Variants in GAB1 observed in about 807,000 individuals in gnomAD.
The protein encoded by GAB1 is GRB2-associated-binding protein 1.
A neutral mutation model predicts 66.5 loss-of-function variants in GAB1; 19 were observed. The ratio of observed to expected loss-of-function variants is 0.29; its 90% CI spans 0.20 to 0.42. The LOEUF (loss-of-function observed/expected upper bound fraction) is 0.42, where lower values mean the gene tolerates loss of function less well. GAB1 is among the 10% of genes least tolerant of loss of function. The pLI is 1.00. For missense variants in GAB1, 732 were observed against 858.5 expected, an observed-to-expected ratio of 0.85 and a Z score of 1.84; for synonymous variants, 294 against 301.4, an observed-to-expected ratio of 0.98 and a Z score of 0.25.
chr4:143,426,561 A>T (rs1578697565), intron 2 of GAB1, among the ~76,000 whole-genome samples: 1 of 152,130 alleles, frequency 6.6e-6, no homozygotes, highest in Non-Finnish European at 1.5e-5. Context: ...AAATAAATAA[A>T]TAATAAAACA....
At chr4:143,387,742 T>C (rs957296489) in intron 1 of GAB1, among the ~76,000 whole-genome samples, 13 of 152,188 alleles carry the variant, frequency 8.5e-5, no homozygotes, top group African/African-American at 3.1e-4. Context: ...GTGGCTCTTA[T>C]ATTAGTCCCA....
intron 6 of GAB1, among the ~76,000 whole-genome samples, chr4:143,452,824 A>G (rs1734994238): frequency 6.6e-6 from 1 of 152,246 alleles, no homozygotes; most frequent in African/African-American, 2.4e-5. Flanking sequence ...AGTTGTAACT[A>G]ACTGCCTTGG....
At chr4:143,354,580 G>A (rs1355605210) in intron 1 of GAB1, among the ~76,000 whole-genome samples, 1 of 151,832 alleles carries the variant, frequency 6.6e-6, no homozygotes, top group African/African-American at 2.4e-5. Context: ...AGTTACTAAA[G>A]GGAAGTGTTT....
chr4:143,392,954 A>T (rs1731254768), intron 1 of GAB1, among the ~76,000 whole-genome samples: 1 of 152,044 alleles, frequency 6.6e-6, no homozygotes, highest in Non-Finnish European at 1.5e-5. Context: ...TACCTTTTTC[A>T]TGTCTATGGG....
Position 143,415,746 on chromosome 4 carries a change from C to A in GAB1, c.342C>A (p.Ile114=), listed in dbSNP as rs1732644284. The part of the protein sequence containing the change: ...MNKWVRCICD[I]CGFNPTEEDP... ...AGTGGGTTCGTTGTATTTGTGACATCTGTGGGTTTAATCCAACAGAAGAAG... is the reference window on the plus strand; with the variant it reads ...AGTGGGTTCGTTGTATTTGTGACATATGTGGGTTTAATCCAACAGAAGAAG... Residue 114 remains isoleucine, a synonymous_variant, in exon 2 of 10, where the codon ATC becomes ATA. Transcript: ENST00000262994. 1 of 1,609,454 alleles carries A rather than the reference C, an allele frequency of 6.2e-7. No individual in the cohort carries two copies. The highest frequency in any genetic ancestry group is 2.2e-5 in the East Asian group (1 of 44,780).
intron 1 of GAB1, among the ~76,000 whole-genome samples, chr4:143,373,868 A>AATAAATATATAT: frequency 7.5e-5 from 7 of 93,696 alleles, no homozygotes; most frequent in South Asian, 8.9e-4. Context: ...TAAATAAATA[A>AATAAATATATAT]ATATATATAT....
chr4:143,386,050 GAGGATC>G (rs1366168544), intron 1 of GAB1, among the ~76,000 whole-genome samples: 5 of 152,180 alleles, frequency 3.3e-5, no homozygotes, highest in Admixed American at 6.5e-5. Flanking sequence ...ACTGAGATGG[GAGGATC>G]AGTTTAGCCC....
At chr4:143,366,213 C>G (rs779233565) in intron 1 of GAB1, among the ~76,000 whole-genome samples, 14 of 152,136 alleles carry the variant, frequency 9.2e-5, no homozygotes, top group Admixed American at 7.2e-4. Context: ...TATTCATTTG[C>G]GTATTTCCTT....
At chr4:143,374,492 A>T (rs1324286071) in intron 1 of GAB1, among the ~76,000 whole-genome samples, 1 of 152,062 alleles carries the variant, frequency 6.6e-6, no homozygotes, top group Non-Finnish European at 1.5e-5. Flanking sequence ...GTATGTTCAG[A>T]TTTTCTAGAT....
In GAB1 at chr4:143,469,670, C is replaced by T. The variant is rs554413106; in HGVS notation, c.*481C>T. On this transcript the variant is annotated 3_prime_UTR_variant, in exon 10 of 10. Transcript: ENST00000262994. Reference sequence around the variant, plus strand: ...TCACAAGTTAGCTTTCTACCTGAAGCTTCAGGTGATAACCATTAGCTTATA... The same window carrying T: ...TCACAAGTTAGCTTTCTACCTGAAGTTTCAGGTGATAACCATTAGCTTATA... The T allele has an allele frequency of 6.2e-6, 1 of 160,496 alleles. No homozygotes were observed. Among genetic ancestry groups the T allele is most frequent in the Non-Finnish European group, 1.4e-5 (1 of 71,952 alleles). 9.9% of individuals were successfully genotyped at this position (160,496 alleles called of 1,614,324 possible). A position where few individuals can be genotyped will look rare whatever the true frequency, so the allele number is the denominator to read the frequency against.
At chr4:143,434,647 C>T (rs1179519791) in intron 3 of GAB1, among the ~76,000 whole-genome samples, 1 of 152,084 alleles carries the variant, frequency 6.6e-6, no homozygotes, top group Non-Finnish European at 1.5e-5. Flanking sequence ...TGAGCCACTG[C>T]GCTTGGCCTC....
intron 2 of GAB1, among the ~76,000 whole-genome samples, chr4:143,427,107 G>A (rs995292539): frequency 6.6e-6 from 1 of 152,142 alleles, no homozygotes; most frequent in African/African-American, 2.4e-5. Flanking sequence ...AGTGAGAGGG[G>A]GTCCTCCTAA....
intron 1 of GAB1, among the ~76,000 whole-genome samples, chr4:143,377,901 C>T (rs138142072): frequency 2.0e-5 from 3 of 152,288 alleles, no homozygotes; most frequent in Non-Finnish European, 2.9e-5. Context: ...TTTTTAGCCA[C>T]GTTCATGTGT....
chr4:143,426,835 C>T (rs1262257820), intron 2 of GAB1, among the ~76,000 whole-genome samples: 1 of 152,156 alleles, frequency 6.6e-6, no homozygotes. Context: ...TAGTTAAATA[C>T]ATAAAGGCAT....
At chr4:143,461,017 TATAAAC>T (rs1055361884) in intron 8 of GAB1, among the ~76,000 whole-genome samples, 2 of 152,194 alleles carry the variant, frequency 1.3e-5, no homozygotes, top group African/African-American at 4.8e-5. Context: ...GAAGACCTCT[TATAAAC>T]ATAACATGTT....
chr4:143,348,213 C>G (rs1381326257), intron 1 of GAB1, among the ~76,000 whole-genome samples: 1 of 152,226 alleles, frequency 6.6e-6, no homozygotes, highest in Non-Finnish European at 1.5e-5. Flanking sequence ...ATCTATGGCT[C>G]TTAACACCTA....
At chr4:143,354,590 T>C (rs1729366114) in intron 1 of GAB1, among the ~76,000 whole-genome samples, 1 of 152,158 alleles carries the variant, frequency 6.6e-6, no homozygotes. Flanking sequence ...GGGAAGTGTT[T>C]CTTTTAAAAA....
intron 1 of GAB1, among the ~76,000 whole-genome samples, chr4:143,414,504 G>T (rs1732573171): frequency 6.6e-6 from 1 of 152,084 alleles, no homozygotes; most frequent in Non-Finnish European, 1.5e-5. Context: ...AAGAGGAGGG[G>T]AAATATTAGA....
intron 1 of GAB1, among the ~76,000 whole-genome samples, chr4:143,339,961 A>G (rs1728774379): frequency 6.6e-6 from 1 of 152,218 alleles, no homozygotes; most frequent in African/African-American, 2.4e-5. Flanking sequence ...CCTGGAAGAC[A>G]GTAGACAGGG....
Sources: allele counts gnomAD v4.1 joint callset (sites outside exome capture counted in the v4.1 genomes callset), GRCh38; gene constraint gnomAD v4.1.1; transcripts MANE v1.5; gene names NCBI Gene and HGNC (gene_info 2026-07-23, HGNC 2026-07-21).